TBL1XR1: variants seen among roughly 807,000 people sequenced by gnomAD.
The protein encoded by TBL1XR1 is F-box-like/WD repeat-containing protein TBL1XR1.
TBL1XR1 carries 5 observed loss-of-function variants against 66.9 expected under a neutral mutation model. That is an observed-to-expected ratio of 0.07 (90% CI 0.04 to 0.16). The LOEUF is 0.16. TBL1XR1 is among the 10% of genes least tolerant of loss of function. The pLI is 1.00. For synonymous variants in TBL1XR1, 210 were observed against 206.0 expected, an observed-to-expected ratio of 1.02 and a Z score of -0.17; for missense variants, 238 against 623.2, an observed-to-expected ratio of 0.38 and a Z score of 6.58.
At chr3:177,192,984 C>T (rs979121543) in intron 1 of TBL1XR1, among the ~76,000 whole-genome samples, 1 of 151,920 alleles carries the variant, frequency 6.6e-6, no homozygotes, top group Non-Finnish European at 1.5e-5. Context: ...GAAACCCCAT[C>T]TCTACTAAAA....
chr3:177,038,339 G>A lies in TBL1XR1; in HGVS notation c.1021C>T (p.Pro341Ser). 1 of 1,595,118 alleles carries A rather than the reference G, an allele frequency of 6.3e-7. No individual in the cohort carries two copies. Among genetic ancestry groups the A allele is most frequent in the Non-Finnish European group, 8.6e-7 (1 of 1,169,412 alleles). Residue 341 changes from proline (P) to serine (S), a missense_variant, in exon 11 of 16, where the codon CCT becomes TCT. This residue lies in a region of TBL1XR1 where 89 missense variants were observed against 220.2 expected (regional missense o/e 0.40). Transcript: ENST00000457928. ...GTATGTCCTTGGAATGTTTTAATAG[G>A]TCTGTCTTGTCCTAATTTACAGACA... ...IHVCKLGQDRPIKTFQGHTNE... is the reference protein window; with the variant it reads ...IHVCKLGQDRSIKTFQGHTNE...
At chr3:177,105,571 G>A (rs1323112561) in intron 1 of TBL1XR1, among the ~76,000 whole-genome samples, 1 of 152,186 alleles carries the variant, frequency 6.6e-6, no homozygotes, top group African/African-American at 2.4e-5. Context: ...TAGCTAATTA[G>A]GCTACAACAC....
chr3:177,197,780 C>G (rs1486642248), upstream of TBL1XR1, among the ~76,000 whole-genome samples: 1 of 146,420 alleles, frequency 6.8e-6, no homozygotes. Flanking sequence ...CTGGGCTGTG[C>G]GGCGCATTCT....
intron 1 of TBL1XR1, among the ~76,000 whole-genome samples, chr3:177,140,397 T>C (rs1729500904): frequency 6.6e-6 from 1 of 152,222 alleles, no homozygotes; most frequent in Non-Finnish European, 1.5e-5. Flanking sequence ...GCCAGAGGCC[T>C]TTGCTACAAG....
chr3:177,163,709 T>A (rs1208634637), intron 1 of TBL1XR1, among the ~76,000 whole-genome samples: 4 of 152,086 alleles, frequency 2.6e-5, no homozygotes, highest in Admixed American at 1.3e-4. Context: ...CTGATGACAG[T>A]GGTTAGCTCT....
At chr3:177,065,707 G>C (rs957102257) in intron 2 of TBL1XR1, among the ~76,000 whole-genome samples, 2 of 152,180 alleles carry the variant, frequency 1.3e-5, no homozygotes, top group African/African-American at 4.8e-5. Flanking sequence ...TCACAGAAAT[G>C]ACTGAAAGGA....
intron 2 of TBL1XR1, among the ~76,000 whole-genome samples, chr3:177,090,930 A>G (rs964609881): frequency 6.6e-6 from 1 of 152,168 alleles, no homozygotes; most frequent in Non-Finnish European, 1.5e-5. Flanking sequence ...TCGGGGCTGC[A>G]GTGAATCATG....
At chr3:177,123,728 T>C (rs563622236) in intron 1 of TBL1XR1, among the ~76,000 whole-genome samples, 4 of 152,140 alleles carry the variant, frequency 2.6e-5, no homozygotes, top group Admixed American at 6.5e-5. Flanking sequence ...CCTTAAAACA[T>C]ATGATTCAAA....
At position 177,051,545 on chromosome 3, in the gene TBL1XR1, T is replaced by C; in HGVS notation, c.386A>G (p.Asn129Ser). The C allele has an allele frequency of 6.2e-7, 1 of 1,613,724 alleles. No homozygotes were observed. ...SQQGSAKNGE[N>S]TANGEENGAH... is the part of the protein sequence containing the mutation. The stretch of plus-strand genomic sequence containing the variant: ...TCCATTCTCCTCCCCATTTGCTGTG[T>C]TTTCTCCATTTTTTGCAGATCCTTG... The change falls in exon 5 of 16, where the codon AAC becomes AGC. Residue 129 changes from asparagine (N) to serine (S), a missense_variant. This residue lies in a region of TBL1XR1 where 80 missense variants were observed against 100.5 expected (regional missense o/e 0.80). Transcript: ENST00000457928.
intron 1 of TBL1XR1, among the ~76,000 whole-genome samples, chr3:177,108,756 T>A (rs572493611): frequency 6.6e-6 from 1 of 152,246 alleles, no homozygotes; most frequent in Admixed American, 6.5e-5. Flanking sequence ...ATACTAATGG[T>A]ATTTTTATTA....
chr3:177,160,933 TTG>T (rs1011688803), intron 1 of TBL1XR1: 1 of 150,604 alleles, frequency 6.6e-6, no homozygotes, highest in African/African-American at 2.4e-5. Flanking sequence ...AGGACGGAGG[TTG>T]TAGTGAGCCG....
chr3:177,188,067 G>T lies in TBL1XR1; in HGVS notation c.-122+9054C>A, dbSNP rs138944817. On this transcript the variant is annotated intron_variant, in intron 1 of 15. Transcript: ENST00000457928. ...CAGGTTCAGGCTAACAGGTAGCTGG[G>T]ATTACAGGCACATGCCACCACACCC... 2.8e-3 allele frequency among the ~76,000 whole-genome samples: 421 copies of T among 151,212 alleles called. 4 individuals are homozygous for T. Among genetic ancestry groups the T allele is most frequent in the African/African-American group, 9.7e-3 (398 of 41,126 alleles).
chr3:177,116,760 A>C (rs1192184572), intron 1 of TBL1XR1, among the ~76,000 whole-genome samples: 2 of 152,186 alleles, frequency 1.3e-5, no homozygotes, highest in Non-Finnish European at 2.9e-5. Flanking sequence ...CTCTCAGAGG[A>C]AAGTTATGTT....
intron 1 of TBL1XR1, among the ~76,000 whole-genome samples, chr3:177,165,544 G>A (rs1577359747): frequency 1.3e-5 from 2 of 152,226 alleles, no homozygotes; most frequent in East Asian, 3.9e-4. Context: ...GAAAGGATTT[G>A]CCCTACTTGA....
At chr3:177,108,523 T>C (rs1188738204) in intron 1 of TBL1XR1, among the ~76,000 whole-genome samples, 1 of 152,224 alleles carries the variant, frequency 6.6e-6, no homozygotes, top group Non-Finnish European at 1.5e-5. Flanking sequence ...ATGAACATAG[T>C]GTTTGGCTTA....
At chr3:177,053,563 T>G (rs1375017002) in intron 4 of TBL1XR1, among the ~76,000 whole-genome samples, 1 of 152,204 alleles carries the variant, frequency 6.6e-6, no homozygotes, top group East Asian at 1.9e-4. Flanking sequence ...CACAAACAGA[T>G]TAAGGCAAAC....
chr3:177,116,302 A>AT (rs2108742825), intron 1 of TBL1XR1, among the ~76,000 whole-genome samples: 1 of 152,180 alleles, frequency 6.6e-6, no homozygotes, highest in South Asian at 2.1e-4. Context: ...ACCTTGGTGG[A>AT]TGGCGCCACT....
chr3:177,057,486 A>T (rs1717950526), intron 3 of TBL1XR1, among the ~76,000 whole-genome samples: 1 of 152,218 alleles, frequency 6.6e-6, no homozygotes, highest in Non-Finnish European at 1.5e-5. Context: ...ATTAGAATGC[A>T]ATTATACTAT....
At chr3:177,120,563 C>T (rs1726867519) in intron 1 of TBL1XR1, 1 of 152,192 alleles carries the variant, frequency 6.6e-6, no homozygotes, top group African/African-American at 2.4e-5. Context: ...TACTCTACAC[C>T]TAGATATTTT....
Sources: allele counts gnomAD v4.1 joint callset (sites outside exome capture counted in the v4.1 genomes callset), GRCh38; gene constraint gnomAD v4.1.1; regional missense constraint gnomAD v4.1.1; transcripts MANE v1.5; gene names NCBI Gene and HGNC (gene_info 2026-07-23, HGNC 2026-07-21).